RBM47: variants seen among roughly 807,000 people sequenced by gnomAD.
RBM47 encodes RNA-binding protein 47.
RBM47 carries 21 observed loss-of-function variants against 47.1 expected under a neutral mutation model. The observed-to-expected ratio is 0.45, with a 90% CI of 0.32 to 0.64. The LOEUF is 0.64. Among genes scored for constraint, RBM47 ranks in the 30% least tolerant of loss-of-function variants. RBM47 has a pLI of 0.05. For synonymous variants in RBM47, 375 were observed against 361.7 expected (o/e 1.04, Z -0.42); for missense variants, 708 against 870.9 (o/e 0.81, Z 2.35).
intron 1 of RBM47, among the ~76,000 whole-genome samples, chr4:40,591,753 T>A (rs1578027640): frequency 6.6e-6 from 1 of 152,178 alleles, no homozygotes; most frequent in East Asian, 1.9e-4. Flanking sequence ...GTTACCCTAA[T>A]GAGTAATAGG....
intron 1 of RBM47, among the ~76,000 whole-genome samples, chr4:40,596,278 G>A (rs774850386): frequency 9.2e-5 from 14 of 152,202 alleles, no homozygotes; most frequent in Non-Finnish European, 2.1e-4. Context: ...GATAGAGGTG[G>A]GAGGAGAAAG....
chr4:40,495,608 AG>A (rs1337403132), intron 2 of RBM47, among the ~76,000 whole-genome samples: 1 of 151,952 alleles, frequency 6.6e-6, no homozygotes, highest in African/African-American at 2.4e-5. Flanking sequence ...ATCTCAAAAA[AG>A]AAAAAAAAAA....
chr4:40,451,637 C>T (rs1168047478), intron 3 of RBM47, among the ~76,000 whole-genome samples: 2 of 152,146 alleles, frequency 1.3e-5, no homozygotes, highest in African/African-American at 4.8e-5. Context: ...AAATGGGCTT[C>T]TGGGATACAG....
chr4:40,600,149 C>T (rs2154277057), intron 1 of RBM47, among the ~76,000 whole-genome samples: 1 of 151,800 alleles, frequency 6.6e-6, no homozygotes, highest in South Asian at 2.1e-4. Flanking sequence ...GCTGGGACTA[C>T]AGCCATAATA....
Position 40,426,057 on chromosome 4 carries a change from T to C in RBM47, c.1629A>G (p.Pro543=). 6.2e-7 allele frequency: 1 copy of C among 1,614,196 alleles called. No homozygotes were observed. Among genetic ancestry groups the C allele is most frequent in the Non-Finnish European group, 8.5e-7 (1 of 1,180,046 alleles). The part of the protein sequence containing the change: ...TAGIYGASYV[P]FAAPATATIA... ...TCGTGGCTGTAGCTGGAGCAGCAAA[T>C]GGCACGTAACTGGCCCCGTAGATCC... The change falls in exon 7 of 7, where the codon CCA becomes CCG. Residue 543 remains proline (P), a synonymous_variant. Coordinates refer to ENST00000295971, the MANE Select transcript of RBM47 (RefSeq NM_001098634.2).
chr4:40,493,758 T>G (rs1577788229), intron 2 of RBM47, among the ~76,000 whole-genome samples: 3 of 135,534 alleles, frequency 2.2e-5, no homozygotes, highest in Admixed American at 7.9e-5. Context: ...GGTGACAGAG[T>G]GAGACCCTGT....
chr4:40,492,237 G>A (rs1331818461), intron 2 of RBM47, among the ~76,000 whole-genome samples: 2 of 152,072 alleles, frequency 1.3e-5, no homozygotes, highest in Non-Finnish European at 2.9e-5. Context: ...AGGCCTGGGG[G>A]TATGCGCCTG....
intron 3 of RBM47, among the ~76,000 whole-genome samples, chr4:40,447,609 TG>T (rs1313799103): frequency 6.6e-6 from 1 of 152,244 alleles, no homozygotes; most frequent in Non-Finnish European, 1.5e-5. Context: ...TCCGCTGCAC[TG>T]GCTCAGGCCT....
At chr4:40,529,931 C>CCT (rs1560448538) in intron 2 of RBM47, among the ~76,000 whole-genome samples, 27 of 124,496 alleles carry the variant, frequency 2.2e-4, no homozygotes, top group Non-Finnish European at 3.6e-4. Flanking sequence ...ATTAGACCCC[C>CCT]TTTTTTTTTT....
At chr4:40,536,851 T>A (rs1216218869) in intron 2 of RBM47, among the ~76,000 whole-genome samples, 1 of 151,878 alleles carries the variant, frequency 6.6e-6, no homozygotes, top group African/African-American at 2.4e-5. Context: ...TCAGCCTCCT[T>A]AGTAGCTGGG....
intron 1 of RBM47, among the ~76,000 whole-genome samples, chr4:40,590,433 C>A (rs946271566): frequency 1.3e-5 from 2 of 152,050 alleles, no homozygotes; most frequent in Non-Finnish European, 2.9e-5. Flanking sequence ...CTGGGCAAGA[C>A]AACAGTGCAC....
At chr4:40,522,981 T>A (rs1410369623) in intron 2 of RBM47, among the ~76,000 whole-genome samples, 1 of 150,372 alleles carries the variant, frequency 6.7e-6, no homozygotes. Context: ...TTTTTTTTTT[T>A]TTTTTTTACA....
chr4:40,518,718 C>T (rs1047969755), intron 2 of RBM47, among the ~76,000 whole-genome samples: 1 of 151,986 alleles, frequency 6.6e-6, no homozygotes, highest in Admixed American at 6.6e-5. Flanking sequence ...GGTGTCCAAT[C>T]TTTTGGCTTC....
intron 1 of RBM47, among the ~76,000 whole-genome samples, chr4:40,565,482 C>A (rs1731009020): frequency 6.6e-6 from 1 of 152,160 alleles, no homozygotes; most frequent in Non-Finnish European, 1.5e-5. Flanking sequence ...AGGCTTCAAG[C>A]AGCAGCTCTC....
At chr4:40,573,793 G>GAA (rs1248706555) in intron 1 of RBM47, among the ~76,000 whole-genome samples, 86 of 111,162 alleles carry the variant, frequency 7.7e-4, no homozygotes, top group African/African-American at 2.7e-3. Context: ...AAGAGAGAGA[G>GAA]AGAGAAAGAA....
intron 1 of RBM47, among the ~76,000 whole-genome samples, chr4:40,565,663 C>T (rs538609986): frequency 6.6e-6 from 1 of 152,270 alleles, no homozygotes; most frequent in East Asian, 1.9e-4. Flanking sequence ...TTCTCTGAGC[C>T]TTAGTTTCTC....
chr4:40,464,210 C>G (rs1162833556), intron 3 of RBM47, among the ~76,000 whole-genome samples: 1 of 152,196 alleles, frequency 6.6e-6, no homozygotes, highest in Admixed American at 6.5e-5. Context: ...GTTTAATGTT[C>G]TCAGCTATTT....
Position 40,424,970 on chromosome 4 carries a change from CCCAA to C in RBM47, c.*930_*933del. 1.8e-5 allele frequency: 2 copies of C among 108,238 alleles called. No individual in the cohort carries two copies. Among genetic ancestry groups the C allele is most frequent in the African/African-American group, 9.2e-5 (2 of 21,828 alleles). The allele number at this position is 108,238 out of a possible 1,614,324, so 6.7% of individuals were successfully genotyped here. On this transcript the variant is annotated 3_prime_UTR_variant, in exon 7 of 7. Transcript: ENST00000295971. ...TAGCACACGTAGAAGACAATACTTC[CCCAA>C]CCAAACAAAAAAAAAAACAAAAAAC...
intron 2 of RBM47, among the ~76,000 whole-genome samples, chr4:40,487,233 A>G (rs558990123): frequency 6.6e-6 from 1 of 152,334 alleles, no homozygotes; most frequent in East Asian, 1.9e-4. Flanking sequence ...TTGGGAACTC[A>G]GATTTCCTCA....
Sources: allele counts gnomAD v4.1 joint callset (sites outside exome capture counted in the v4.1 genomes callset), GRCh38; gene constraint gnomAD v4.1.1; transcripts MANE v1.5; gene names NCBI Gene and HGNC (gene_info 2026-07-23, HGNC 2026-07-21).